The following ABR variants were observed in gnomAD, a reference collection of about 807,000 sequenced individuals.
The protein encoded by ABR is ABR activator of RhoGEF and GTPase.
In ABR, 35 loss-of-function variants were observed where a neutral mutation model predicts 107.2. The observed-to-expected ratio is 0.33, with a 90% CI of 0.25 to 0.43. The LOEUF (loss-of-function observed/expected upper bound fraction) is 0.43. Among genes scored for constraint, ABR ranks in the 20% least tolerant of loss-of-function variants. The pLI is 1.00. For missense variants in ABR, 815 were observed against 1,115.2 expected (o/e 0.73, Z 3.83); for synonymous variants, 498 against 462.0 (o/e 1.08, Z -1.00).
intron 2 of ABR, among the ~76,000 whole-genome samples, chr17:1,111,698 T>C (rs2038685808): frequency 1.3e-5 from 2 of 152,196 alleles, no homozygotes; most frequent in Admixed American, 6.5e-5. Context: ...TGGCCCTTCA[T>C]TCTCCCGCCT....
At chr17:1,096,239 G>A (rs1011127655) in intron 3 of ABR, among the ~76,000 whole-genome samples, 10 of 152,168 alleles carry the variant, frequency 6.6e-5, no homozygotes, top group South Asian at 2.1e-4. Context: ...GTGGAGGCTC[G>A]TCTGCCCCGT....
Position 1,051,359 on chromosome 17 carries a change from T to C in ABR, c.1562-725A>G, listed in dbSNP as rs532413509. 1.3e-5 allele frequency among the ~76,000 whole-genome samples: 2 copies of C among 148,168 alleles called. No individual in the cohort carries two copies. Among genetic ancestry groups the C allele is most frequent in the East Asian group, 4.2e-4 (2 of 4,714 alleles). On this transcript the variant is annotated intron_variant, in intron 14 of 22. Transcript: ENST00000302538. This position sits in a 1 kb window ranked among gnomAD's most constrained non-coding sequence, Gnocchi z 4.3. ...CCAAGAACAGGGCTGGGAACCCAGC[T>C]GGCACACGGTGAACGAGGCTCCCAC...
chr17:1,135,017 T>C (rs996704614), intron 1 of ABR, among the ~76,000 whole-genome samples: 1 of 152,238 alleles, frequency 6.6e-6, no homozygotes, highest in Non-Finnish European at 1.5e-5. Context: ...CAGCTGCTAT[T>C]ATTACTGTTA....
chr17:1,123,863 A>C (rs1182640644), intron 2 of ABR, among the ~76,000 whole-genome samples: 1 of 152,170 alleles, frequency 6.6e-6, no homozygotes, highest in African/African-American at 2.4e-5. Context: ...CAGGAGAACC[A>C]GGGCAAAAAC....
chr17:1,155,992 G>A (rs2041025111), intron 1 of ABR: 1 of 151,250 alleles, frequency 6.6e-6, no homozygotes, highest in Admixed American at 6.6e-5. Flanking sequence ...GTGGCAGGTA[G>A]GTGGGTGACC....
At chr17:1,125,009 C>T (rs1452863784) in intron 2 of ABR, among the ~76,000 whole-genome samples, 174 bp downstream of exon 2, 1 of 151,444 alleles carries the variant, frequency 6.6e-6, no homozygotes, top group South Asian at 2.1e-4. Context: ...GAGGGAAGCC[C>T]GAGCCTGAGA....
Position 1,010,169 on chromosome 17 carries a change from A to G in ABR, c.2237-385T>C. The G allele has an allele frequency of 3.8e-6, 1 of 262,172 alleles. No homozygotes were observed. Among genetic ancestry groups the G allele is most frequent in the East Asian group, 7.6e-5 (1 of 13,080 alleles). The allele number at this position is 262,172 out of a possible 1,614,324, so 16.2% of individuals were successfully genotyped here. ...CTTTCTCCACCCCTTCTGCTGCTGG[A>G]GCGTGGGTGCAAGCAGCCTTCCGTG... On this transcript the variant is annotated intron_variant, in intron 20 of 22. Transcript: ENST00000302538. This position sits in a 1 kb window ranked among gnomAD's most constrained non-coding sequence, Gnocchi z 4.1.
rs2035973552 is a variant in ABR, at chr17:1,078,975, C to T, written c.700+355G>A. The T allele has an allele frequency of 3.3e-5, 45 of 1,343,382 alleles. No homozygotes were observed. The highest frequency in any genetic ancestry group is 4.1e-5 in the Non-Finnish European group (42 of 1,026,916). The allele number at this position is 1,343,382 out of a possible 1,614,324, so 83.2% of individuals were successfully genotyped here. ...GATGCTGCCGCACGGACTCCAGCAT[C>T]GGGCAGCCGCTCCGGAGTGCTCTTC... On this transcript the variant is annotated intron_variant, in intron 6 of 22. Coordinates refer to ENST00000302538, the MANE Select transcript of ABR (RefSeq NM_021962.5). This position sits in a 1 kb window ranked among gnomAD's most constrained non-coding sequence, Gnocchi z 7.5.
chr17:1,222,569 G>T (rs1271011571), intron 1 of ABR, among the ~76,000 whole-genome samples: 1 of 152,130 alleles, frequency 6.6e-6, no homozygotes, highest in African/African-American at 2.4e-5. Flanking sequence ...TCAGGTTCAG[G>T]TAACATGACT....
intron 2 of ABR, among the ~76,000 whole-genome samples, chr17:1,112,628 GAAGA>G (rs1040469572): frequency 1.3e-5 from 2 of 152,002 alleles, no homozygotes; most frequent in African/African-American, 4.8e-5. Flanking sequence ...AGGAAGGAAG[GAAGA>G]GAGGAAGGAA....
At chr17:1,047,230 A>C (rs1202708984) in intron 16 of ABR, among the ~76,000 whole-genome samples, 1 of 152,262 alleles carries the variant, frequency 6.6e-6, no homozygotes, top group Non-Finnish European at 1.5e-5. Context: ...CTATGTCCTC[A>C]GCGCCTGCTG....
chr17:1,229,530 T>C (rs1028824784), exon 1 of ABR, among the ~76,000 whole-genome samples: 4 of 151,804 alleles, frequency 2.6e-5, no homozygotes, highest in Non-Finnish European at 5.9e-5. Context: ...GCGCTCCAGC[T>C]CCCGCTCCGC....
upstream of ABR, among the ~76,000 whole-genome samples, chr17:1,192,308 C>A (rs1170895496): frequency 6.6e-6 from 1 of 152,070 alleles, no homozygotes; most frequent in African/African-American, 2.4e-5. Context: ...CTGAATATTC[C>A]CTGAGCCCTA....
At chr17:1,145,118 T>C (rs1011657961) in intron 1 of ABR, among the ~76,000 whole-genome samples, 1 of 152,192 alleles carries the variant, frequency 6.6e-6, no homozygotes, top group Non-Finnish European at 1.5e-5. Context: ...GTATATTCTG[T>C]CTTCCCCGCG....
chr17:1,170,008 G>GTGT (rs200429353), intron 1 of ABR, among the ~76,000 whole-genome samples: 225 of 106,762 alleles, frequency 2.1e-3, no homozygotes, highest in African/African-American at 8.1e-3. Context: ...GTGTGTGTGT[G>GTGT]GGGGGGGGGT....
intron 1 of ABR, among the ~76,000 whole-genome samples, chr17:1,166,738 G>A (rs2041526847): frequency 6.6e-6 from 1 of 152,204 alleles, no homozygotes; most frequent in Admixed American, 6.5e-5. Flanking sequence ...AGGGGCTCAC[G>A]CCTGTAATCC....
intron 1 of ABR, among the ~76,000 whole-genome samples, chr17:1,212,669 C>G (rs2042924884): frequency 6.6e-6 from 1 of 152,158 alleles, no homozygotes; most frequent in South Asian, 2.1e-4. Context: ...GCCAGCAGAT[C>G]ACCTGAGGTC....
At chr17:1,126,975 C>T (rs1161403510) in intron 1 of ABR, among the ~76,000 whole-genome samples, 3 of 152,258 alleles carry the variant, frequency 2.0e-5, no homozygotes, top group Admixed American at 1.3e-4. Flanking sequence ...CTCTTCCCTC[C>T]TCTGTCACAA....
upstream of ABR, among the ~76,000 whole-genome samples, chr17:1,192,116 A>G (rs575240865): frequency 2.6e-5 from 4 of 152,184 alleles, no homozygotes; most frequent in East Asian, 7.7e-4. Context: ...AGGAAGTTTA[A>G]TGGGTTTTCA....
Sources: allele counts gnomAD v4.1 joint callset (sites outside exome capture counted in the v4.1 genomes callset), GRCh38; gene constraint gnomAD v4.1.1; non-coding constraint Gnocchi (gnomAD v3.1); transcripts MANE v1.5; gene names NCBI Gene and HGNC (gene_info 2026-07-23, HGNC 2026-07-21).